The following RIMBP2 variants were observed in gnomAD, a reference collection of about 807,000 sequenced individuals.
RIMBP2 encodes the protein RIMS-binding protein 2.
Under a neutral mutation model 118.6 loss-of-function variants are expected in RIMBP2, and 48 were observed. That is an observed-to-expected ratio of 0.40 (90% confidence interval 0.32 to 0.51). The LOEUF (loss-of-function observed/expected upper bound fraction) is 0.51. RIMBP2 is among the 20% of genes least tolerant of loss of function. RIMBP2 has a pLI of 0.41. For synonymous variants in RIMBP2, 762 were observed against 742.9 expected, an observed-to-expected ratio of 1.03 and a Z score of -0.42; for missense variants, 1,551 against 1,768.3, an observed-to-expected ratio of 0.88 and a Z score of 2.20.
chr12:130,409,205 C>T (rs946891925), intron 19 of RIMBP2, among the ~76,000 whole-genome samples: 1 of 152,094 alleles, frequency 6.6e-6, no homozygotes, highest in African/African-American at 2.4e-5. Flanking sequence ...AACCCCACAA[C>T]AATCAAGATA....
intron 2 of RIMBP2, among the ~76,000 whole-genome samples, chr12:130,559,190 G>A (rs1359344385): frequency 6.6e-6 from 1 of 151,994 alleles, no homozygotes; most frequent in South Asian, 2.1e-4. Context: ...CGACTCTCCT[G>A]GTGATTTTCA....
intron 2 of RIMBP2, among the ~76,000 whole-genome samples, chr12:130,546,972 C>T (rs972083518): frequency 6.6e-6 from 1 of 152,196 alleles, no homozygotes; most frequent in Non-Finnish European, 1.5e-5. Context: ...CCCACCCACT[C>T]CCTATCATCT....
intron 4 of RIMBP2, among the ~76,000 whole-genome samples, chr12:130,506,108 A>C (rs1195855001): frequency 1.3e-5 from 2 of 151,942 alleles, no homozygotes; most frequent in Non-Finnish European, 2.9e-5. Context: ...TTGGTGAAAA[A>C]ATTCATTCAG....
intron 2 of RIMBP2, among the ~76,000 whole-genome samples, chr12:130,533,385 G>A (rs1043025115): frequency 6.6e-6 from 1 of 152,162 alleles, no homozygotes; most frequent in Admixed American, 6.5e-5. Context: ...GAATGGCTAT[G>A]ATGAAAAAGT....
In RIMBP2 at chr12:130,688,270, C is replaced by T. The variant is rs146377126; in HGVS notation, c.-352+27952G>A. Among the ~76,000 whole-genome samples, 493 of 152,178 alleles carry T rather than the reference C, an allele frequency of 3.2e-3. 3 individuals carry two copies. The highest frequency in any genetic ancestry group is 0.011 in the African/African-American group (462 of 41,520). On this transcript the variant is annotated intron_variant, in intron 1 of 22. Transcript: ENST00000690449. The surrounding 1 kb of genome is among the most constrained non-coding windows in gnomAD (Gnocchi z 4.7). ...TGCCCAGCTCTGCACCATGGGCACC[C>T]GGCAGACCCTCCTGCTGTTTCTGAA...
At chr12:130,646,976 A>G (rs2063012351) in intron 1 of RIMBP2, among the ~76,000 whole-genome samples, 1 of 152,200 alleles carries the variant, frequency 6.6e-6, no homozygotes, top group Non-Finnish European at 1.5e-5. Flanking sequence ...AGCCTACGCA[A>G]TTCTCACGGG....
At chr12:130,400,929 T>C (rs1354515015) in intron 21 of RIMBP2, among the ~76,000 whole-genome samples, 1 of 152,080 alleles carries the variant, frequency 6.6e-6, no homozygotes, top group African/African-American at 2.4e-5. Context: ...AAACAGGTAC[T>C]GGTGAAGATA....
Position 130,602,446 on chromosome 12 carries a change from G to T in RIMBP2, c.-217+25876C>A, listed in dbSNP as rs187601716. Among the ~76,000 whole-genome samples the T allele has an allele frequency of 2.8e-3, 422 of 152,308 alleles. 1 individual carries two copies. Among genetic ancestry groups the T allele is most frequent in the Non-Finnish European group, 4.7e-3 (321 of 68,032 alleles). ...TCCCTTCAATGCCCTCCGCCCATTT[G>T]GGGGAGGTTTCTTGCATTTGCAAGG... is the stretch of plus-strand genomic sequence containing the variant. On this transcript the variant is annotated intron_variant, in intron 2 of 22. Coordinates refer to ENST00000690449, the MANE Select transcript of RIMBP2 (RefSeq NM_001393629.1).
At position 130,523,081 on chromosome 12, in the gene RIMBP2, C is replaced by T. The variant is rs140075059; in HGVS notation, c.-216-5164G>A. Among the ~76,000 whole-genome samples the T allele has an allele frequency of 4.6e-5, 7 of 151,858 alleles. No homozygotes were observed. In the East Asian group the frequency reaches 1.4e-3, roughly 29 times the overall value. ...CTCTCTGCCTCTCTGTCTCTGTCTCCACGTCTCTGTTTCTCTGCTTCTTCT... is the reference window on the plus strand; with the variant it reads ...CTCTCTGCCTCTCTGTCTCTGTCTCTACGTCTCTGTTTCTCTGCTTCTTCT... On this transcript the variant is annotated intron_variant, in intron 2 of 22. Coordinates refer to ENST00000690449, the MANE Select transcript of RIMBP2 (RefSeq NM_001393629.1). The surrounding 1 kb of genome is among the most constrained non-coding windows in gnomAD (Gnocchi z 4.4).
chr12:130,662,420 G>C lies in RIMBP2; in HGVS notation c.-351-33964C>G, dbSNP rs569015834. ...CGCCTGTAATCCTAGCACTTTTGGA[G>C]GTTGAGGCGTGTGGATGACGAGGTC... On this transcript the variant is annotated intron_variant, in intron 1 of 22. Transcript: ENST00000690449. Among the ~76,000 whole-genome samples, 49 of 152,284 alleles carry C rather than the reference G, an allele frequency of 3.2e-4. No homozygotes were observed. In the South Asian group the frequency reaches 5.6e-3, roughly 17 times the overall value.
rs1438168510 is a variant in RIMBP2, at chr12:130,581,541, C to A, written c.-217+46781G>T. The stretch of plus-strand genomic sequence containing the variant: ...GAGCTCCTGGCCTTCCTGCCAGTCT[C>A]CCCACCCCACAGCCCTCCCGTGCCA... On this transcript the variant is annotated intron_variant, in intron 2 of 22. Coordinates refer to ENST00000690449, the MANE Select transcript of RIMBP2 (RefSeq NM_001393629.1). The surrounding 1 kb of genome is among the most constrained non-coding windows in gnomAD (Gnocchi z 4.4). Among the ~76,000 whole-genome samples, 1 of 152,210 alleles carries A rather than the reference C, an allele frequency of 6.6e-6. No homozygotes were observed. The highest frequency in any genetic ancestry group is 1.5e-5 in the Non-Finnish European group (1 of 68,042).
rs745575568 is a variant in RIMBP2 at position 130,450,251 on chromosome 12, G to A, written c.530C>T (p.Thr177Ile). 10 of 1,609,652 alleles carry A rather than the reference G, an allele frequency of 6.2e-6. No homozygotes were observed. The highest frequency in any genetic ancestry group is 1.7e-4 in the Middle Eastern group (1 of 6,060). ...SDMENERNSN[T>I]SKQRYSGKVH... is the part of the protein sequence containing the mutation. ...CTTCCCCGAGTATCTCTGCTTGGAG[G>A]TATTGGAATTCCGTTCATTCTCCAT... Residue 177 changes from threonine to isoleucine, a missense_variant, in exon 9 of 23, where the codon ACC (threonine) becomes ATC (isoleucine). Around this residue, in one of 5 missense-constraint regions of RIMBP2, gnomAD observed 239 missense variants for 256.8 expected, o/e 0.93. Transcript: ENST00000690449. This position sits in a 1 kb window ranked among gnomAD's most constrained non-coding sequence, Gnocchi z 4.8.
At chr12:130,625,106 G>A (rs899111012) in intron 2 of RIMBP2, among the ~76,000 whole-genome samples, 4 of 152,198 alleles carry the variant, frequency 2.6e-5, no homozygotes, top group East Asian at 1.9e-4. Context: ...CCCATATAAC[G>A]TGTGAAAGTC....
intron 2 of RIMBP2, among the ~76,000 whole-genome samples, chr12:130,543,515 G>A (rs1209502881): frequency 6.6e-6 from 1 of 152,224 alleles, no homozygotes; most frequent in Admixed American, 6.5e-5. Flanking sequence ...AGGTAGACCA[G>A]CAGGCTGAAG....
chr12:130,407,637 G>A (rs1186105012), intron 20 of RIMBP2, 89 bp downstream of exon 20: 1 of 998,638 alleles, frequency 1.0e-6, no homozygotes, highest in East Asian at 2.4e-5. Context: ...GAATGAGGAG[G>A]TGAACACACG....
chr12:130,694,522 C>T (rs768221909), intron 1 of RIMBP2, among the ~76,000 whole-genome samples: 5 of 152,194 alleles, frequency 3.3e-5, no homozygotes, highest in Non-Finnish European at 7.3e-5. Context: ...CTCCTTCCCA[C>T]CACGCTCCAG....
chr12:130,665,780 C>A (rs1207229331), intron 1 of RIMBP2, among the ~76,000 whole-genome samples: 1 of 152,110 alleles, frequency 6.6e-6, no homozygotes, highest in Non-Finnish European at 1.5e-5. Context: ...CTCTAAAGGA[C>A]CTTATGGGGC....
chr12:130,517,083 C>A (rs2051545610), intron 3 of RIMBP2, among the ~76,000 whole-genome samples: 1 of 152,014 alleles, frequency 6.6e-6, no homozygotes, highest in Non-Finnish European at 1.5e-5. Flanking sequence ...AGAGGTGGGG[C>A]CTTTAAGAGG....
chr12:130,435,003 T>C lies in RIMBP2; in HGVS notation c.2107-123A>G. On this transcript the variant is annotated intron_variant, in intron 13 of 22. Transcript: ENST00000690449. Reference sequence around the variant, plus strand: ...GGCCAGGCACCCCCCACACAGTGCTTTGGGCCCAGCTCTGCCGCCCTCTCG... The same window carrying C: ...GGCCAGGCACCCCCCACACAGTGCTCTGGGCCCAGCTCTGCCGCCCTCTCG... 4 of 1,024,286 alleles carry C rather than the reference T, an allele frequency of 3.9e-6. No individual in the cohort carries two copies. The South Asian group carries it at 5.1e-5, about 13-fold the overall frequency. The allele number at this position is 1,024,286 out of a possible 1,614,324, so 63.4% of individuals were successfully genotyped here.
Sources: allele counts gnomAD v4.1 joint callset (sites outside exome capture counted in the v4.1 genomes callset), GRCh38; gene constraint gnomAD v4.1.1; regional missense constraint gnomAD v4.1.1; non-coding constraint Gnocchi (gnomAD v3.1); transcripts MANE v1.5; gene names NCBI Gene and HGNC (gene_info 2026-07-23, HGNC 2026-07-21).